Variants in LRRIQ1 observed in about 807,000 individuals in gnomAD.
LRRIQ1 encodes leucine-rich repeat- and IQ domain-containing protein 1.
A neutral mutation model predicts 211.9 loss-of-function variants in LRRIQ1; 210 were observed. That is an observed-to-expected ratio of 0.99 (90% CI 0.89 to 1.11). LRRIQ1 has a LOEUF of 1.11. Ranked by LOEUF, LRRIQ1 falls within the 50% of genes most tolerant of loss-of-function variation. The pLI is 0.00. For synonymous variants in LRRIQ1, 699 were observed against 650.1 expected, an observed-to-expected ratio of 1.08 and a Z score of -1.14; for missense variants, 2,136 against 1,939.5, an observed-to-expected ratio of 1.10 and a Z score of -1.90.
At chr12:85,196,571 T>A (rs1023423711) in intron 24 of LRRIQ1, among the ~76,000 whole-genome samples, 11 of 152,010 alleles carry the variant, frequency 7.2e-5, no homozygotes, top group African/African-American at 2.2e-4. Flanking sequence ...AAACAAGCAA[T>A]GGGGAAAGGA....
At chr12:85,183,940 C>T (rs1892110455) in intron 24 of LRRIQ1, among the ~76,000 whole-genome samples, 1 of 152,046 alleles carries the variant, frequency 6.6e-6, no homozygotes, top group Non-Finnish European at 1.5e-5. Flanking sequence ...CTAGTTCTAG[C>T]AGAGAAACTT....
intron 11 of LRRIQ1, among the ~76,000 whole-genome samples, chr12:85,075,534 G>T (rs934290266): frequency 6.6e-6 from 1 of 151,766 alleles, no homozygotes; most frequent in Admixed American, 6.6e-5. Flanking sequence ...GTGGTGGTGG[G>T]GATATTGCCA....
At chr12:85,152,920 G>A in intron 20 of LRRIQ1, 104 bp from the exon 21 acceptor site, 2 of 614,186 alleles carry the variant, frequency 3.3e-6, no homozygotes, top group Non-Finnish European at 5.2e-6. Flanking sequence ...TTTATAATGA[G>A]TTTCCCTTAG....
intron 26 of LRRIQ1, among the ~76,000 whole-genome samples, chr12:85,243,635 G>A (rs923369570): frequency 6.6e-6 from 1 of 151,092 alleles, no homozygotes; most frequent in Non-Finnish European, 1.5e-5. Flanking sequence ...AAAACATTGT[G>A]TTGTACATGA....
At chr12:85,093,326 G>T (rs976806111) in intron 11 of LRRIQ1, among the ~76,000 whole-genome samples, 2 of 152,176 alleles carry the variant, frequency 1.3e-5, no homozygotes, top group Admixed American at 6.6e-5. Flanking sequence ...TGGAAGTTAT[G>T]CATGGTGGCA....
chr12:85,098,603 A>G, intron 12 of LRRIQ1, 55 bp downstream of exon 12: 2 of 1,414,516 alleles, frequency 1.4e-6, no homozygotes, highest in South Asian at 2.6e-5. Context: ...TTCTTTTGAT[A>G]GAAATACCAA....
chr12:85,046,034 A>C lies in LRRIQ1; in HGVS notation c.351A>C (p.Ile117=), dbSNP rs759258021. The stretch of plus-strand genomic sequence containing the variant: ...TAACCTCTTAGATATTATCTGAAAT[A>C]GAAAAAGAAGAATTTATGAGAAGTA... The part of the protein sequence containing the change: ...SEQLIKILSE[I]EKEEFMRSKT... Residue 117 remains isoleucine, a synonymous_variant, in exon 5 of 27, where the codon ATA becomes ATC. Transcript: ENST00000393217. 4 of 1,604,436 alleles carry C rather than the reference A, an allele frequency of 2.5e-6. No homozygotes were observed. The highest frequency in any genetic ancestry group is 3.4e-6 in the Non-Finnish European group (4 of 1,172,340).
chr12:85,194,987 G>T (rs1892817088), intron 24 of LRRIQ1, among the ~76,000 whole-genome samples: 1 of 151,790 alleles, frequency 6.6e-6, no homozygotes, highest in African/African-American at 2.4e-5. Flanking sequence ...AATGATAAAG[G>T]GGATATCACC....
At chr12:85,145,960 A>G (rs1889866710) in intron 19 of LRRIQ1, among the ~76,000 whole-genome samples, 1 of 151,756 alleles carries the variant, frequency 6.6e-6, no homozygotes, top group Non-Finnish European at 1.5e-5. Flanking sequence ...TCTAATAAGT[A>G]TACTATTCCA....
chr12:85,248,857 G>C (rs1235551050), downstream of LRRIQ1, among the ~76,000 whole-genome samples: 1 of 151,798 alleles, frequency 6.6e-6, no homozygotes, highest in South Asian at 2.1e-4. Flanking sequence ...TATCATTGTG[G>C]AATGTTGAAG....
At chr12:85,190,013 TATA>T (rs2136931722) in intron 24 of LRRIQ1, among the ~76,000 whole-genome samples, 1 of 142,062 alleles carries the variant, frequency 7.0e-6, no homozygotes, top group South Asian at 2.2e-4. Flanking sequence ...TTTAATATGT[TATA>T]ATTTTAATTA....
At chr12:85,270,561 T>C in the LRRIQ1 span, among the ~76,000 whole-genome samples, 468 of 152,272 alleles carry the variant, frequency 3.1e-3, 1 homozygote, top group African/African-American at 0.01. Context: ...TTAATGTAAA[T>C]AGTTGAATCT....
chr12:85,093,309 T>G (rs148114537), intron 11 of LRRIQ1, among the ~76,000 whole-genome samples: 1 of 152,322 alleles, frequency 6.6e-6, no homozygotes, highest in Non-Finnish European at 1.5e-5. Context: ...AAGAGGTTGC[T>G]TCTGAATGGA....
In LRRIQ1 at chr12:85,114,913, A is replaced by G. The variant is rs914130109; in HGVS notation, c.3378-6784A>G. On this transcript the variant is annotated intron_variant, in intron 15 of 26. Transcript: ENST00000393217. ...AGCAGTGTATTCCAATGAACTTTAC[A>G]TAACCCCATGATACCAACAAAAGGA... 3.9e-5 allele frequency among the ~76,000 whole-genome samples: 6 copies of G among 152,328 alleles called. No individual in the cohort carries two copies. In the South Asian group the frequency reaches 1.2e-3, roughly 32 times the overall value.
chr12:85,231,028 A>T (rs1171464820), intron 25 of LRRIQ1, among the ~76,000 whole-genome samples: 1 of 152,088 alleles, frequency 6.6e-6, no homozygotes, highest in African/African-American at 2.4e-5. Flanking sequence ...AGCCTGGGCG[A>T]CAGAGCCAGA....
chr12:85,039,131 C>CA (rs1325670685), intron 2 of LRRIQ1, among the ~76,000 whole-genome samples: 1 of 150,678 alleles, frequency 6.6e-6, no homozygotes, highest in Admixed American at 6.6e-5. Context: ...TTAAATGAGG[C>CA]AAAAAAATCT....
intron 24 of LRRIQ1, among the ~76,000 whole-genome samples, chr12:85,217,478 ATATATATATATATG>A (rs1435648403): frequency 2.5e-5 from 2 of 81,618 alleles, no homozygotes; most frequent in East Asian, 3.3e-4. Flanking sequence ...ATATATATAT[ATATATATATATATG>A]TATATATATA....
intron 15 of LRRIQ1, among the ~76,000 whole-genome samples, chr12:85,115,729 T>C (rs1056132168): frequency 6.6e-6 from 1 of 152,180 alleles, no homozygotes; most frequent in Non-Finnish European, 1.5e-5. Context: ...TGAACAACTT[T>C]TGTGTAGTAA....
At chr12:85,145,311 C>A in intron 19 of LRRIQ1, among the ~76,000 whole-genome samples, 1 of 151,400 alleles carries the variant, frequency 6.6e-6, no homozygotes, top group East Asian at 2.0e-4. Context: ...AGCCAGGATC[C>A]AAAAGCCTAG....
Sources: gnomAD v4.1 joint callset for allele counts (sites outside exome capture counted in the v4.1 genomes callset) on GRCh38, gnomAD v4.1.1 for gene constraint, MANE v1.5 for transcripts, NCBI Gene and HGNC (gene_info 2026-07-23, HGNC 2026-07-21) for gene names.